CACNA1H: variants seen among roughly 807,000 people sequenced by gnomAD.
CACNA1H encodes voltage-dependent T-type calcium channel subunit alpha-1H.
CACNA1H carries 149 observed loss-of-function variants against 192.5 expected under a neutral mutation model. That is an observed-to-expected ratio of 0.77 (90% CI 0.68 to 0.89). The LOEUF is 0.89. CACNA1H is among the 40% of genes least tolerant of loss of function. CACNA1H has a pLI of 0.00. For synonymous variants in CACNA1H, 2,202 were observed against 1,475.2 expected (o/e 1.49, Z -11.29); for missense variants, 4,257 against 3,423.5 (o/e 1.24, Z -6.08).
Position 1,211,543 on chromosome 16 carries a change from A to G in CACNA1H, c.4413A>G (p.Ala1471=). The part of the protein sequence containing the change: ...GPDTRNISTK[A]QCRAAHYRWV... ...ACACCAGGAACATCTCCACCAAGGCACAGTGCCGGGCCGCCCACTACCGCT... is the reference window on the plus strand; with the variant it reads ...ACACCAGGAACATCTCCACCAAGGCGCAGTGCCGGGCCGCCCACTACCGCT... The change falls in exon 23 of 35, where the codon GCA becomes GCG. Residue 1471 remains alanine (A), a synonymous_variant. Transcript: ENST00000348261. 1.2e-6 allele frequency: 2 copies of G among 1,612,302 alleles called. No individual in the cohort carries two copies. Among genetic ancestry groups the G allele is most frequent in the Non-Finnish European group, 1.7e-6 (2 of 1,179,668 alleles).
At chr16:1,198,408 C>G (rs189742850) in intron 5 of CACNA1H, among the ~76,000 whole-genome samples, 1 of 152,292 alleles carries the variant, frequency 6.6e-6, no homozygotes, top group East Asian at 1.9e-4. Context: ...GTGTCAGTGT[C>G]CCTGGAGGCC....
chr16:1,189,242 G>A (rs1360724134), intron 2 of CACNA1H, among the ~76,000 whole-genome samples: 1 of 152,080 alleles, frequency 6.6e-6, no homozygotes, highest in Admixed American at 6.5e-5. Flanking sequence ...TTCTTCATGG[G>A]TGCCAGCTGG....
chr16:1,213,300 C>G (rs149735282), intron 26 of CACNA1H, among the ~76,000 whole-genome samples: 1 of 152,336 alleles, frequency 6.6e-6, no homozygotes, highest in Non-Finnish European at 1.5e-5. Flanking sequence ...CCCTGCCCAG[C>G]CCTTCATCAG....
In CACNA1H at chr16:1,208,130, C is replaced by A. The variant is rs1184994482; in HGVS notation, c.3272C>A (p.Ser1091Ter). Residue 1091 changes from serine (S) to a stop codon, truncating the protein, a stop_gained, in exon 16 of 35, where the codon TCA becomes TAA. Transcript: ENST00000348261. LOFTEE classifies it high-confidence loss of function. Reference protein sequence around the residue: ...AATPMPTPKSSPFLDAAPSLP... With the variant: ...AATPMPTPKS ...ACGCCCATGCCTACCCCCAAGAGCT[C>A]ACCATTCCTGGATGCAGCCCCCAGC... is the stretch of plus-strand genomic sequence containing the variant. 1.3e-6 allele frequency: 2 copies of A among 1,591,846 alleles called. No homozygotes were observed. The highest frequency in any genetic ancestry group is 1.7e-5 in the Admixed American group (1 of 57,556).
Position 1,205,331 on chromosome 16 carries a change from C to A in CACNA1H, c.2603+66C>A, listed in dbSNP as rs879330854. 1.7e-5 allele frequency: 26 copies of A among 1,490,982 alleles called. No homozygotes were observed. In the African/African-American group the frequency reaches 3.6e-4, roughly 21 times the overall value. 92.4% of individuals were successfully genotyped at this position (1,490,982 alleles called of 1,614,324 possible). A position where few individuals can be genotyped will look rare whatever the true frequency, so the allele number is the denominator to read the frequency against. ...GCTCCACTCTCTGGCAGAAATCCCA[C>A]CTGCAGAGCAAAACCCAGAGCACAG... On this transcript the variant is annotated intron_variant, in intron 11 of 34. Transcript: ENST00000348261.
rs776361691 is a variant in CACNA1H at position 1,209,062 on chromosome 16, T to C, written c.3394T>C (p.Trp1132Arg). 6.5e-7 allele frequency: 1 copy of C among 1,538,136 alleles called. No individual in the cohort carries two copies. Among genetic ancestry groups the C allele is most frequent in the Non-Finnish European group, 8.7e-7 (1 of 1,147,712 alleles). Residue 1132 changes from tryptophan to arginine, a missense_variant, in exon 17 of 35, where the codon TGG becomes CGG. Trp to Arg is a moderately radical substitution (Grantham distance 101, BLOSUM62 -3). Coordinates refer to ENST00000348261, the MANE Select transcript of CACNA1H (RefSeq NM_021098.3). ...ASLRSSPCAP[W>R]GPSGAWSSRR... ...CCTCCGAAGTTCTCCCTGTGCCCCC[T>C]GGGGCCCCAGTGGCGCCTGGAGCAG...
chr16:1,208,469 G>A (rs1225000609), intron 16 of CACNA1H, among the ~76,000 whole-genome samples: 2 of 152,210 alleles, frequency 1.3e-5, no homozygotes, highest in Admixed American at 6.5e-5. Flanking sequence ...AGTGCACAGC[G>A]CACAGCACAG....
In CACNA1H at chr16:1,220,999, G is replaced by A. The variant is rs59626177; in HGVS notation, c.*5G>A. 2 of 1,560,608 alleles carry A rather than the reference G, an allele frequency of 1.3e-6. No homozygotes were observed. The highest frequency in any genetic ancestry group is 2.0e-5 in the Admixed American group (1 of 51,026). ...GGTGCAGATGACCCCGTGTAGCTCG[G>A]GGCTTGGTGCCGCCCACGGCTTTGG... is the stretch of plus-strand genomic sequence containing the variant. On this transcript the variant is annotated 3_prime_UTR_variant, in exon 35 of 35. Transcript: ENST00000348261.
intron 8 of CACNA1H, 22 bp downstream of exon 8, chr16:1,200,830 C>T (rs1449419840): frequency 4.6e-6 from 7 of 1,537,246 alleles, no homozygotes; most frequent in African/African-American, 1.4e-5. Context: ...CGGCAGTGTT[C>T]GCCATGATGG....
intron 5 of CACNA1H, among the ~76,000 whole-genome samples, 183 bp downstream of exon 5, chr16:1,196,206 CAG>C (rs370706684): frequency 1.1e-4 from 17 of 152,374 alleles, no homozygotes; most frequent in Admixed American, 2.0e-4. Flanking sequence ...CCTTGCATGT[CAG>C]GGGAGAATCA....
chr16:1,167,102 C>T lies in CACNA1H; in HGVS notation c.299+13066C>T, dbSNP rs944190818. The stretch of plus-strand genomic sequence containing the variant: ...GTGAGTGCTGACAACCACACCCAGC[C>T]GGAGTCCAGGGCTGTGGGAGTGGAC... On this transcript the variant is annotated intron_variant, in intron 2 of 34. Transcript: ENST00000348261. The surrounding 1 kb of genome is among the most constrained non-coding windows in gnomAD (Gnocchi z 4.2). 6.6e-6 allele frequency among the ~76,000 whole-genome samples: 1 copy of T among 152,198 alleles called. No individual in the cohort carries two copies. The highest frequency in any genetic ancestry group is 2.4e-5 in the African/African-American group (1 of 41,460).
chr16:1,166,285 C>T (rs1211611106), intron 2 of CACNA1H, among the ~76,000 whole-genome samples: 1 of 152,144 alleles, frequency 6.6e-6, no homozygotes, highest in African/African-American at 2.4e-5. Context: ...GCGTGGGGAG[C>T]GGGAGACAGG....
intron 2 of CACNA1H, among the ~76,000 whole-genome samples, chr16:1,189,897 A>G (rs750394672): frequency 2.0e-5 from 3 of 152,168 alleles, no homozygotes; most frequent in Non-Finnish European, 4.4e-5. Flanking sequence ...AGCCCAGTCC[A>G]GTGGGGGCTG....
intron 2 of CACNA1H, among the ~76,000 whole-genome samples, chr16:1,186,273 C>T (rs555113975): frequency 3.3e-5 from 5 of 152,054 alleles, no homozygotes; most frequent in Admixed American, 6.5e-5. Context: ...TAAGAATGCG[C>T]GGCTCCCTCG....
chr16:1,185,653 C>CGTGCGT (rs1965942258), intron 2 of CACNA1H, among the ~76,000 whole-genome samples: 1 of 78,568 alleles, frequency 1.3e-5, no homozygotes, highest in Non-Finnish European at 2.3e-5. Flanking sequence ...AGACGGTCGG[C>CGTGCGT]ATGCATAGGG....
chr16:1,173,679 C>T (rs2369844), intron 2 of CACNA1H, among the ~76,000 whole-genome samples: 40,281 of 152,164 alleles, frequency 0.26, 6,410 homozygotes, highest in Middle Eastern at 0.43. Context: ...CGGGAACGCC[C>T]GTCGGAGGGG....
In CACNA1H at chr16:1,219,546, C is replaced by T. The variant is rs1050546941; in HGVS notation, c.6048+416C>T. Among the ~76,000 whole-genome samples, 4 of 152,208 alleles carry T rather than the reference C, an allele frequency of 2.6e-5. No homozygotes were observed. In the South Asian group the frequency reaches 8.3e-4, roughly 31 times the overall value. On this transcript the variant is annotated intron_variant, in intron 34 of 34. Transcript: ENST00000348261. ...GGCTTTTTCAGTCCTGGCTTGTGTT[C>T]AGATGTCCCAGCCTTGCCCACCTGC...
At chr16:1,197,428 G>A (rs1421629204) in intron 5 of CACNA1H, among the ~76,000 whole-genome samples, 5 of 152,234 alleles carry the variant, frequency 3.3e-5, no homozygotes, top group Admixed American at 2.0e-4. Flanking sequence ...TTACTTTTCA[G>A]GTTAAATTGC....
chr16:1,212,376 G>A (rs911900796), intron 25 of CACNA1H, 135 bp from the exon 26 acceptor site: 11 of 1,057,428 alleles, frequency 1.0e-5, no homozygotes, highest in Non-Finnish European at 1.4e-5. Flanking sequence ...CCAAGAGGCA[G>A]GTTCCCCACC....
Sources: gnomAD v4.1 joint callset for allele counts (sites outside exome capture counted in the v4.1 genomes callset) on GRCh38, gnomAD v4.1.1 for gene constraint, Gnocchi (gnomAD v3.1) non-coding constraint, MANE v1.5 for transcripts, NCBI Gene and HGNC (gene_info 2026-07-23, HGNC 2026-07-21) for gene names.